NELL1: variants seen among roughly 807,000 people sequenced by gnomAD.
NELL1 encodes the protein neural EGFL like 1.
In NELL1, 76 loss-of-function variants were observed where a neutral mutation model predicts 107.4. The ratio of observed to expected loss-of-function variants is 0.71; its 90% CI spans 0.59 to 0.86. The LOEUF (loss-of-function observed/expected upper bound fraction) is 0.86, where lower values mean the gene tolerates loss of function less well. NELL1 is among the 40% of genes least tolerant of loss of function. NELL1 has a pLI of 0.00. For synonymous variants in NELL1, 353 were observed against 341.2 expected (o/e 1.03, Z -0.38); for missense variants, 1,024 against 1,005.5 (o/e 1.02, Z -0.25).
chr11:21,193,219 T>C (rs1412412153), intron 13 of NELL1, among the ~76,000 whole-genome samples: 1 of 151,880 alleles, frequency 6.6e-6, no homozygotes, highest in Non-Finnish European at 1.5e-5. Context: ...TTGATCTGTT[T>C]TGCCCAAGAA....
intron 4 of NELL1, among the ~76,000 whole-genome samples, chr11:20,881,005 A>C (rs1244866289): frequency 6.6e-6 from 1 of 152,208 alleles, no homozygotes; most frequent in Non-Finnish European, 1.5e-5. Flanking sequence ...AGCCACACTC[A>C]ACTTCAAGGG....
intron 5 of NELL1, among the ~76,000 whole-genome samples, chr11:20,888,660 A>G (rs1425496072): frequency 2.0e-5 from 3 of 152,194 alleles, no homozygotes; most frequent in East Asian, 1.9e-4. Context: ...GAAATCATAG[A>G]AAACATAGAG....
intron 3 of NELL1, among the ~76,000 whole-genome samples, chr11:20,800,764 G>A (rs1045067572): frequency 6.6e-6 from 1 of 152,156 alleles, no homozygotes; most frequent in African/African-American, 2.4e-5. Context: ...GGATGTGCCC[G>A]TGGCTGGAAA....
rs573386403 is a variant in NELL1, at chr11:21,240,919, A to G, written c.1549+11465A>G. Among the ~76,000 whole-genome samples, 3 of 152,164 alleles carry G rather than the reference A, an allele frequency of 2.0e-5. No homozygotes were observed. The South Asian group carries it at 6.2e-4, about 32-fold the overall frequency. On this transcript the variant is annotated intron_variant, in intron 14 of 19. Transcript: ENST00000357134. Reference sequence around the variant, plus strand: ...AACATGTTAAATCAGATCAGCTTGTATCTCAGAGGGAGTGGAAATCTGACA... The same window carrying G: ...AACATGTTAAATCAGATCAGCTTGTGTCTCAGAGGGAGTGGAAATCTGACA...
chr11:21,389,666 G>C (rs189728582), intron 15 of NELL1, among the ~76,000 whole-genome samples: 17 of 151,718 alleles, frequency 1.1e-4, no homozygotes, highest in African/African-American at 3.9e-4. Flanking sequence ...TGTACAAATC[G>C]AATCAGACTA....
chr11:21,127,953 A>G (rs1269629680), intron 13 of NELL1, among the ~76,000 whole-genome samples: 5 of 152,172 alleles, frequency 3.3e-5, no homozygotes, highest in African/African-American at 7.2e-5. Flanking sequence ...TTTTTAACAG[A>G]TGCATGCATT....
intron 3 of NELL1, among the ~76,000 whole-genome samples, chr11:20,796,277 C>G (rs1857167571): frequency 6.6e-6 from 1 of 152,066 alleles, no homozygotes; most frequent in African/African-American, 2.4e-5. Flanking sequence ...AGCATGTTTA[C>G]CTTCTTAATT....
intron 14 of NELL1, among the ~76,000 whole-genome samples, chr11:21,250,520 G>T (rs1858610860): frequency 6.6e-6 from 1 of 152,078 alleles, no homozygotes; most frequent in African/African-American, 2.4e-5. Context: ...CTGCCAGCTG[G>T]ATTTGAAGGC....
intron 14 of NELL1, among the ~76,000 whole-genome samples, chr11:21,368,295 A>G (rs60247579): frequency 1.3e-5 from 2 of 152,016 alleles, no homozygotes; most frequent in African/African-American, 4.8e-5. Flanking sequence ...TAATAGGTAC[A>G]TGAACTTGAA....
chr11:21,151,300 A>G (rs1298873536), intron 13 of NELL1, among the ~76,000 whole-genome samples: 1 of 152,138 alleles, frequency 6.6e-6, no homozygotes, highest in Admixed American at 6.6e-5. Flanking sequence ...TTTGGTTTGA[A>G]AACCAGGATC....
rs543765728 is a variant in NELL1, at chr11:20,672,451, C to G, written c.55+2673C>G. Among the ~76,000 whole-genome samples, 25 of 152,312 alleles carry G rather than the reference C, an allele frequency of 1.6e-4. No individual in the cohort carries two copies. In the South Asian group the frequency reaches 5.0e-3, roughly 30 times the overall value. On this transcript the variant is annotated intron_variant, in intron 1 of 19. Transcript: ENST00000357134. The stretch of plus-strand genomic sequence containing the variant: ...TTAAAGCAAGACTGCAGTGCAGACA[C>G]AGTTGCATATGAAAAGATCTAATGA...
chr11:21,270,671 A>G (rs1848721081), intron 14 of NELL1, among the ~76,000 whole-genome samples: 1 of 152,188 alleles, frequency 6.6e-6, no homozygotes, highest in Admixed American at 6.5e-5. Context: ...ACATTAATCA[A>G]CTGGATATAA....
At chr11:21,417,930 G>A (rs10833529) in intron 15 of NELL1, among the ~76,000 whole-genome samples, 77,456 of 151,774 alleles carry the variant, frequency 0.51, 20,215 homozygotes, top group African/African-American at 0.61. Context: ...ATCTGCACCT[G>A]GGGACTTTTC....
intron 11 of NELL1, among the ~76,000 whole-genome samples, chr11:20,956,646 A>C (rs1827109547): frequency 8.9e-6 from 1 of 111,738 alleles, no homozygotes; most frequent in South Asian, 2.8e-4. Flanking sequence ...ACTCCATCTC[A>C]AAAAAAAAAA....
rs564518471 is a variant in NELL1, at chr11:21,458,373, C to T, written c.1646-76001C>T. ...TGTAAGTCTACATATAGAATTCCAC[C>T]CTGTAGATATAATCAGAGATGTAGA... On this transcript the variant is annotated intron_variant, in intron 15 of 19. Transcript: ENST00000357134. 1.5e-4 allele frequency among the ~76,000 whole-genome samples: 23 copies of T among 151,988 alleles called. No individual in the cohort carries two copies. The South Asian group carries it at 4.2e-3, about 27-fold the overall frequency.
chr11:20,832,672 T>C (rs570637814), intron 3 of NELL1, among the ~76,000 whole-genome samples: 1 of 152,368 alleles, frequency 6.6e-6, no homozygotes, highest in East Asian at 1.9e-4. Flanking sequence ...AATAAAAGTT[T>C]CTTATCAAGG....
At chr11:21,210,458 C>T (rs146516544) in intron 13 of NELL1, among the ~76,000 whole-genome samples, 544 of 152,220 alleles carry the variant, frequency 3.6e-3, no homozygotes, top group Non-Finnish European at 5.5e-3. Context: ...TGTGGCTTTG[C>T]ATTAGATTTC....
intron 15 of NELL1, among the ~76,000 whole-genome samples, chr11:21,483,344 T>C (rs1854539299): frequency 6.6e-6 from 1 of 152,148 alleles, no homozygotes; most frequent in African/African-American, 2.4e-5. Context: ...ACACATACAA[T>C]ATACTCCCCA....
At chr11:20,796,193 A>T (rs2133996362) in intron 3 of NELL1, among the ~76,000 whole-genome samples, 1 of 152,342 alleles carries the variant, frequency 6.6e-6, no homozygotes, top group African/African-American at 2.4e-5. Context: ...TTAGCTTTTC[A>T]CATCAAGATG....
Sources: allele counts gnomAD v4.1 joint callset (sites outside exome capture counted in the v4.1 genomes callset), GRCh38; gene constraint gnomAD v4.1.1; transcripts MANE v1.5; gene names NCBI Gene and HGNC (gene_info 2026-07-23, HGNC 2026-07-21).